Variants in ATP2B2 observed in about 807,000 individuals in gnomAD.
ATP2B2 encodes the protein ATPase plasma membrane Ca2+ transporting 2.
Under a neutral mutation model 120.0 loss-of-function variants are expected in ATP2B2, and 15 were observed. That is an observed-to-expected ratio of 0.12 (90% CI 0.08 to 0.19). The LOEUF is 0.19. Among genes scored for constraint, ATP2B2 ranks in the 10% least tolerant of loss-of-function variants. The pLI, the probability that ATP2B2 is intolerant of heterozygous loss-of-function variation, is 1.00. For synonymous variants in ATP2B2, 694 were observed against 700.3 expected, an observed-to-expected ratio of 0.99 and a Z score of 0.14; for missense variants, 1,045 against 1,719.8, an observed-to-expected ratio of 0.61 and a Z score of 6.94.
rs1395251368 is a variant in ATP2B2, at chr3:10,328,056, A to G, written c.*758T>C. Reference sequence around the variant, plus strand: ...TTAGGACATAAATAAGTTAAAATAGAGCAATTTAAGCGGAAACAAGGCAAC... The same window carrying G: ...TTAGGACATAAATAAGTTAAAATAGGGCAATTTAAGCGGAAACAAGGCAAC... On this transcript the variant is annotated 3_prime_UTR_variant, in exon 23 of 23. Transcript: ENST00000360273. The G allele has an allele frequency of 6.6e-6, 1 of 152,042 alleles. No individual in the cohort carries two copies. The highest frequency in any genetic ancestry group is 2.4e-5 in the African/African-American group (1 of 41,338). The allele number at this position is 152,042 out of a possible 1,614,324, so 9.4% of individuals were successfully genotyped here. A position where few individuals can be genotyped will look rare whatever the true frequency, so the allele number is the denominator to read the frequency against.
intron 2 of ATP2B2, among the ~76,000 whole-genome samples, chr3:10,612,259 C>T (rs1408240381): frequency 1.3e-5 from 2 of 152,202 alleles, no homozygotes; most frequent in Non-Finnish European, 2.9e-5. Context: ...ACTAACCGTT[C>T]CCACCTTGGT....
intron 2 of ATP2B2, among the ~76,000 whole-genome samples, chr3:10,566,822 C>CA (rs2068019810): frequency 6.6e-6 from 1 of 152,272 alleles, no homozygotes; most frequent in South Asian, 2.1e-4. Context: ...AAATGAAGGA[C>CA]AGTTTTCCAT....
chr3:10,478,014 T>C (rs569428769), intron 1 of ATP2B2, among the ~76,000 whole-genome samples: 1 of 152,294 alleles, frequency 6.6e-6, no homozygotes, highest in East Asian at 1.9e-4. Context: ...AATGCAAGAG[T>C]GTTCTAATTT....
chr3:10,475,347 G>A (rs2065164039), intron 1 of ATP2B2, among the ~76,000 whole-genome samples: 1 of 152,208 alleles, frequency 6.6e-6, no homozygotes, highest in South Asian at 2.1e-4. Flanking sequence ...CACCCTCTGG[G>A]CTACTATTGC....
At chr3:10,435,586 T>C (rs2063455518) in intron 2 of ATP2B2, among the ~76,000 whole-genome samples, 1 of 152,192 alleles carries the variant, frequency 6.6e-6, no homozygotes, top group Non-Finnish European at 1.5e-5. Flanking sequence ...CCTAAGATAC[T>C]TCTCAACTTG....
chr3:10,695,292 G>A (rs1257116693), intron 1 of ATP2B2, among the ~76,000 whole-genome samples: 1 of 151,054 alleles, frequency 6.6e-6, no homozygotes, highest in Admixed American at 6.6e-5. Context: ...GAGACAGCTT[G>A]TGCAGGGGAA....
intron 1 of ATP2B2, among the ~76,000 whole-genome samples, chr3:10,451,358 C>A (rs552066508): frequency 7.9e-4 from 120 of 151,366 alleles, no homozygotes; most frequent in African/African-American, 2.9e-3. Context: ...GGCTGTGGGA[C>A]CCTGGGCAAG....
intron 14 of ATP2B2, among the ~76,000 whole-genome samples, chr3:10,353,492 G>A (rs1208213251): frequency 6.6e-6 from 1 of 152,208 alleles, no homozygotes; most frequent in Non-Finnish European, 1.5e-5. Flanking sequence ...CGGGCCTGAG[G>A]GCCACGCTGC....
At chr3:10,592,885 C>T (rs2068676896) in intron 2 of ATP2B2, among the ~76,000 whole-genome samples, 1 of 152,210 alleles carries the variant, frequency 6.6e-6, no homozygotes, top group Non-Finnish European at 1.5e-5. Context: ...TGGGCTCAAT[C>T]AATCCTCCCA....
At position 10,642,095 on chromosome 3, in the gene ATP2B2, G is replaced by A. The variant is rs2070189772; in HGVS notation, c.-459-22134C>T. Among the ~76,000 whole-genome samples, 4 of 151,936 alleles carry A rather than the reference G, an allele frequency of 2.6e-5. No individual in the cohort carries two copies. In the South Asian group the frequency reaches 6.2e-4, roughly 24 times the overall value. On this transcript the variant is annotated intron_variant, in intron 1 of 21. Coordinates refer to the ATP2B2 transcript ENST00000646379. Reference sequence around the variant, plus strand: ...CCCTCCACCCATCCCTTACTATACTGTTGTAGTTAAGAGCATGGACTCTGG... The same window carrying A: ...CCCTCCACCCATCCCTTACTATACTATTGTAGTTAAGAGCATGGACTCTGG...
intron 1 of ATP2B2, among the ~76,000 whole-genome samples, chr3:10,479,392 T>C (rs1200041344): frequency 6.6e-6 from 1 of 151,798 alleles, no homozygotes. Context: ...TCCCTCCCTA[T>C]CATCACCTAG....
chr3:10,374,112 C>T (rs181656831), intron 11 of ATP2B2, among the ~76,000 whole-genome samples: 9 of 152,268 alleles, frequency 5.9e-5, no homozygotes, highest in South Asian at 2.1e-4. Context: ...GCCAGAGATA[C>T]GAACTGCAGA....
chr3:10,651,679 T>C (rs1171618415), intron 1 of ATP2B2, among the ~76,000 whole-genome samples: 2 of 151,246 alleles, frequency 1.3e-5, no homozygotes, highest in Non-Finnish European at 3.0e-5. Flanking sequence ...AATGGCTGGG[T>C]GGTAGATGGG....
In ATP2B2 at chr3:10,342,724, G is replaced by A. The variant is rs745720814; in HGVS notation, c.2917+28C>T. The A allele has an allele frequency of 2.9e-5, 46 of 1,611,680 alleles. No individual in the cohort carries two copies. The highest frequency in any genetic ancestry group is 1.6e-4 in the Middle Eastern group (1 of 6,078). ...CCCAGAAGGTGATGACCCCGCCTGGGAGAGGCGTGGGTGGGCGAGGCGCTC... is the reference window on the plus strand; with the variant it reads ...CCCAGAAGGTGATGACCCCGCCTGGAAGAGGCGTGGGTGGGCGAGGCGCTC... On this transcript the variant is annotated intron_variant, in intron 19 of 22. Coordinates refer to ENST00000360273, the MANE Select transcript of ATP2B2 (RefSeq NM_001001331.4). This position sits in a 1 kb window ranked among gnomAD's most constrained non-coding sequence, Gnocchi z 4.4.
intron 1 of ATP2B2, among the ~76,000 whole-genome samples, chr3:10,660,884 A>AAAAGCTTATC (rs1232221728): frequency 6.6e-6 from 1 of 152,204 alleles, no homozygotes; most frequent in Non-Finnish European, 1.5e-5. Context: ...CAGCACATCA[A>AAAAGCTTATC]AAAGCTTATC....
chr3:10,615,756 T>C (rs535805928), intron 2 of ATP2B2, among the ~76,000 whole-genome samples: 10 of 152,364 alleles, frequency 6.6e-5, no homozygotes, highest in South Asian at 6.2e-4. Context: ...TTATTTTTTA[T>C]ATTCAGATTT....
At position 10,577,004 on chromosome 3, in the gene ATP2B2, A is replaced by G. The variant is rs7651685; in HGVS notation, c.-414-42871T>C. 9.0e-3 allele frequency among the ~76,000 whole-genome samples: 1,355 copies of G among 150,156 alleles called. 13 individuals are homozygous for G. The highest frequency in any genetic ancestry group is 0.031 in the East Asian group (157 of 5,026). On this transcript the variant is annotated intron_variant, in intron 2 of 21. Transcript: ENST00000646379. ...GGGAGGCGGAGGTTGCAGTGAGCCA[A>G]GATCACCACTGCACTCCAGCCTGGG...
At chr3:10,563,464 C>T (rs1041334317) in intron 2 of ATP2B2, among the ~76,000 whole-genome samples, 3 of 152,256 alleles carry the variant, frequency 2.0e-5, no homozygotes, top group African/African-American at 7.2e-5. Context: ...TTTCCCCCTT[C>T]CACTCTCACA....
chr3:10,429,818 T>C (rs1047684381), intron 2 of ATP2B2, among the ~76,000 whole-genome samples: 1 of 152,214 alleles, frequency 6.6e-6, no homozygotes, highest in African/African-American at 2.4e-5. Context: ...AGAAGGAAAT[T>C]AAAAGTGCTA....
Sources: gnomAD v4.1 joint callset for allele counts (sites outside exome capture counted in the v4.1 genomes callset) on GRCh38, gnomAD v4.1.1 for gene constraint, Gnocchi (gnomAD v3.1) non-coding constraint, MANE v1.5 for transcripts, NCBI Gene and HGNC (gene_info 2026-07-23, HGNC 2026-07-21) for gene names.